Variants in ADGRL3 observed in about 807,000 individuals in gnomAD.
The protein encoded by ADGRL3 is calcium-independent alpha-latrotoxin receptor 3.
A neutral mutation model predicts 153.5 loss-of-function variants in ADGRL3; 62 were observed. The ratio of observed to expected loss-of-function variants is 0.40; its 90% confidence interval spans 0.33 to 0.50. The LOEUF (loss-of-function observed/expected upper bound fraction) is 0.50, where lower values mean the gene tolerates loss of function less well. Ranked by LOEUF, ADGRL3 falls within the 20% of genes least tolerant of loss-of-function variation. The pLI is 0.47. For missense variants in ADGRL3, 1,641 were observed against 1,859.4 expected, an observed-to-expected ratio of 0.88 and a Z score of 2.16; for synonymous variants, 710 against 672.5, an observed-to-expected ratio of 1.06 and a Z score of -0.86.
chr4:61,792,485 T>C (rs1020531799), intron 8 of ADGRL3, among the ~76,000 whole-genome samples: 1 of 133,808 alleles, frequency 7.5e-6, no homozygotes, highest in African/African-American at 3.1e-5. Context: ...TATTTATTTA[T>C]TTATTTTATT....
At chr4:61,269,008 G>C (rs1292048839) in intron 1 of ADGRL3, among the ~76,000 whole-genome samples, 1 of 151,602 alleles carries the variant, frequency 6.6e-6, no homozygotes, top group Non-Finnish European at 1.5e-5. Context: ...ACAGTAACTT[G>C]TTCAATTAAA....
chr4:61,615,656 G>A (rs1016006028), intron 5 of ADGRL3, among the ~76,000 whole-genome samples: 1 of 151,622 alleles, frequency 6.6e-6, no homozygotes, highest in Non-Finnish European at 1.5e-5. Context: ...TGGAGAAAAA[G>A]AAAGGATACT....
intron 21 of ADGRL3, among the ~76,000 whole-genome samples, chr4:62,002,710 G>A (rs182702785): frequency 6.6e-6 from 1 of 152,028 alleles, no homozygotes; most frequent in Non-Finnish European, 1.5e-5. Flanking sequence ...CTTTGTCTCT[G>A]TTTCATCCAA....
In ADGRL3 at chr4:61,866,849, C is replaced by T. The variant is rs148080911; in HGVS notation, c.1481-25807C>T. ...AAAGGTAGTGTCACATCAATCAATC[C>T]TCCATGTGCTTGTTGAATAACAAAA... On this transcript the variant is annotated intron_variant, in intron 9 of 26. Transcript: ENST00000683033. 4.3e-3 allele frequency among the ~76,000 whole-genome samples: 657 copies of T among 152,264 alleles called. 3 individuals are homozygous for T. Among genetic ancestry groups the T allele is most frequent in the African/African-American group, 0.015 (640 of 41,544 alleles).
chr4:61,869,936 T>TAAAAAAAAAAAAAAAA (rs1190618911), intron 9 of ADGRL3, among the ~76,000 whole-genome samples: 224 of 10,500 alleles, frequency 0.021, 62 homozygotes, highest in Middle Eastern at 0.14. Flanking sequence ...AAAACTTTGT[T>TAAAAAAAAAAAAAAAA]AAAAAAAAAA....
rs569375371 is a variant in ADGRL3, at chr4:61,664,494, C to T, written c.474-12332C>T. Among the ~76,000 whole-genome samples the T allele has an allele frequency of 2.4e-4, 36 of 152,212 alleles. No homozygotes were observed. The South Asian group carries it at 7.5e-3, about 32-fold the overall frequency. ...ATAGATATGTTCATGCCATTCTCTA[C>T]CTTTATACATGCATACAGCTACAAT... is the stretch of plus-strand genomic sequence containing the variant. On this transcript the variant is annotated intron_variant, in intron 5 of 26. Transcript: ENST00000683033.
intron 1 of ADGRL3, among the ~76,000 whole-genome samples, chr4:61,327,608 T>C (rs1457793220): frequency 6.6e-6 from 1 of 151,982 alleles, no homozygotes; most frequent in African/African-American, 2.4e-5. Flanking sequence ...GTCATGAGCA[T>C]ACAGGTGGCA....
chr4:62,009,175 G>T (rs192947012), intron 21 of ADGRL3, among the ~76,000 whole-genome samples: 8 of 152,054 alleles, frequency 5.3e-5, no homozygotes, highest in Non-Finnish European at 1.0e-4. Context: ...GGCAACTGTC[G>T]AAAGGCTTTA....
intron 8 of ADGRL3, among the ~76,000 whole-genome samples, chr4:61,737,700 A>T: frequency 6.6e-6 from 1 of 152,222 alleles, no homozygotes; most frequent in East Asian, 1.9e-4. Flanking sequence ...ACATTTTCTA[A>T]ATGAAGGCCC....
chr4:61,783,981 C>G (rs940948971), intron 8 of ADGRL3, among the ~76,000 whole-genome samples: 2 of 151,936 alleles, frequency 1.3e-5, no homozygotes, highest in Non-Finnish European at 2.9e-5. Flanking sequence ...TATGACTTGA[C>G]CTAATATAAT....
At chr4:61,420,406 T>TC in intron 2 of ADGRL3, 1 of 135,514 alleles carries the variant, frequency 7.4e-6, no homozygotes, top group East Asian at 2.1e-4. Flanking sequence ...GAAAGCTTTT[T>TC]TTTTTTTTTT....
At chr4:61,789,449 C>T (rs1008857142) in intron 8 of ADGRL3, among the ~76,000 whole-genome samples, 2 of 152,088 alleles carry the variant, frequency 1.3e-5, no homozygotes, top group African/African-American at 4.8e-5. Context: ...GTATTATAAT[C>T]ACTTTATGTA....
intron 3 of ADGRL3, 147 bp from the exon 4 acceptor site, chr4:61,517,168 G>A: frequency 3.3e-6 from 2 of 609,594 alleles, no homozygotes. Context: ...CAGCTGTAGG[G>A]TTGTCTGAGT....
At chr4:61,375,323 G>T (rs1031881041) in intron 1 of ADGRL3, among the ~76,000 whole-genome samples, 1 of 152,100 alleles carries the variant, frequency 6.6e-6, no homozygotes, top group Non-Finnish European at 1.5e-5. Flanking sequence ...AAACTGGAGG[G>T]TTAAAGACAG....
chr4:61,764,620 T>C, intron 8 of ADGRL3, among the ~76,000 whole-genome samples: 1 of 152,132 alleles, frequency 6.6e-6, no homozygotes, highest in Non-Finnish European at 1.5e-5. Flanking sequence ...TGTGATTCTT[T>C]AGTTACTTCA....
chr4:61,266,892 A>G (rs1272003399), intron 1 of ADGRL3, among the ~76,000 whole-genome samples: 1 of 151,726 alleles, frequency 6.6e-6, no homozygotes, highest in Non-Finnish European at 1.5e-5. Context: ...AGAGTTCAAA[A>G]TCATAATTTC....
chr4:61,746,409 T>C (rs1452888239), intron 8 of ADGRL3, among the ~76,000 whole-genome samples: 2 of 152,190 alleles, frequency 1.3e-5, no homozygotes, highest in Admixed American at 6.5e-5. Flanking sequence ...TATACATTTT[T>C]TTCAGCACAA....
At chr4:61,998,140 A>G (rs765352139) in intron 20 of ADGRL3, 34 bp from the exon 21 acceptor site, 57 of 1,222,102 alleles carry the variant, frequency 4.7e-5, no homozygotes, top group East Asian at 7.5e-5. Flanking sequence ...TCCTACTCCA[A>G]TTATGCTACA....
At chr4:61,383,895 G>C (rs1247320318) in intron 2 of ADGRL3, among the ~76,000 whole-genome samples, 1 of 151,730 alleles carries the variant, frequency 6.6e-6, no homozygotes, top group Non-Finnish European at 1.5e-5. Context: ...CTCTTTTCTT[G>C]AAGTTACTGA....
Sources: gnomAD v4.1 joint callset for allele counts (sites outside exome capture counted in the v4.1 genomes callset) on GRCh38, gnomAD v4.1.1 for gene constraint, MANE v1.5 for transcripts, NCBI Gene and HGNC (gene_info 2026-07-23, HGNC 2026-07-21) for gene names.